IL1RAPL2: variants seen among roughly 807,000 people sequenced by gnomAD.
IL1RAPL2 encodes the protein interleukin 1 receptor accessory protein like 2, also known as X-linked interleukin-1 receptor accessory protein-like 2.
Under a neutral mutation model 44.1 loss-of-function variants are expected in IL1RAPL2, and 3 were observed. The observed-to-expected ratio is 0.07, with a 90% CI of 0.03 to 0.18. The LOEUF (loss-of-function observed/expected upper bound fraction) is 0.18. Ranked by LOEUF, IL1RAPL2 falls within the 10% of genes least tolerant of loss-of-function variation. The pLI is 1.00. For synonymous variants in IL1RAPL2, 181 were observed against 178.8 expected (o/e 1.01, Z -0.10); for missense variants, 391 against 496.4 (o/e 0.79, Z 2.02).
chrX:105,274,750 G>A (rs777525935), intron 5 of IL1RAPL2, among the ~76,000 whole-genome samples: 16 of 112,124 alleles, frequency 1.4e-4, no homozygotes, highest in Non-Finnish European at 2.8e-4. Flanking sequence ...GAGGAAAGGA[G>A]AGGAGAGGAA....
chrX:105,337,212 G>A (rs1465706562), intron 5 of IL1RAPL2, among the ~76,000 whole-genome samples: 5 of 111,739 alleles, frequency 4.5e-5, no homozygotes, highest in African/African-American at 9.8e-5. Context: ...ACTTGTCCTC[G>A]GAAAGCTTAT....
rs190094790 is a variant in IL1RAPL2, at chrX:104,835,232, T to C, written c.82+176237T>C. 5.4e-5 allele frequency among the ~76,000 whole-genome samples: 6 copies of C among 111,740 alleles called. No homozygotes were observed. The East Asian group carries it at 1.7e-3, about 31-fold the overall frequency. The stretch of plus-strand genomic sequence containing the variant: ...GATTGAATACTGACTCTCAAAAACC[T>C]GTGTAATAACACTAAATTGGAGACA... On this transcript the variant is annotated intron_variant, in intron 2 of 10. Coordinates refer to ENST00000372582, the MANE Select transcript of IL1RAPL2 (RefSeq NM_017416.2).
chrX:105,692,633 G>T (rs1487342375), intron 6 of IL1RAPL2, among the ~76,000 whole-genome samples: 1 of 105,887 alleles, frequency 9.4e-6, no homozygotes, highest in African/African-American at 3.5e-5. Flanking sequence ...ATTAAATGAT[G>T]CAGGGGCACA....
chrX:104,579,355 C>T (rs752914382), intron 1 of IL1RAPL2, among the ~76,000 whole-genome samples: 4 of 111,830 alleles, frequency 3.6e-5, no homozygotes, highest in Admixed American at 1.9e-4. Flanking sequence ...AAATGCCCAT[C>T]CGTGGAAGAT....
chrX:104,592,238 C>A (rs1292686559), intron 1 of IL1RAPL2, among the ~76,000 whole-genome samples: 1 of 101,541 alleles, frequency 9.8e-6, no homozygotes, highest in Non-Finnish European at 2.0e-5. Context: ...ATAATAAAGT[C>A]ACTTTTATCT....
At chrX:104,951,349 A>C (rs1206533740) in intron 2 of IL1RAPL2, among the ~76,000 whole-genome samples, 1 of 112,585 alleles carries the variant, frequency 8.9e-6, no homozygotes, top group Admixed American at 9.4e-5. Context: ...AGGGAAATGA[A>C]TAGGCAAGAA....
chrX:105,354,445 T>A (rs1384599068), intron 5 of IL1RAPL2, among the ~76,000 whole-genome samples: 1 of 91,186 alleles, frequency 1.1e-5, no homozygotes, highest in Non-Finnish European at 2.0e-5. Flanking sequence ...AGGTGGGAAT[T>A]GAACAGTGAG....
chrX:105,609,404 A>G (rs2037318822), intron 6 of IL1RAPL2, among the ~76,000 whole-genome samples: 1 of 111,131 alleles, frequency 9.0e-6, no homozygotes, highest in African/African-American at 3.3e-5. Flanking sequence ...TGTTATCTAT[A>G]TTTTACAATT....
chrX:105,238,456 G>A (rs1556204318), intron 4 of IL1RAPL2, among the ~76,000 whole-genome samples: 1 of 110,815 alleles, frequency 9.0e-6, no homozygotes, highest in African/African-American at 3.3e-5. Flanking sequence ...AAAAATAGCA[G>A]AACAGTGGGT....
chrX:104,697,432 T>G (rs1931200586), intron 2 of IL1RAPL2, among the ~76,000 whole-genome samples: 1 of 112,638 alleles, frequency 8.9e-6, no homozygotes, highest in Non-Finnish European at 1.9e-5. Context: ...AACTGAGATT[T>G]ATTGCAGTTT....
chrX:104,767,047 C>G (rs754428534), intron 2 of IL1RAPL2, among the ~76,000 whole-genome samples: 1 of 111,992 alleles, frequency 8.9e-6, no homozygotes, highest in South Asian at 3.8e-4. Context: ...TGCTTTTCCT[C>G]CACAGGGTTC....
At chrX:105,545,565 A>G (rs2036788172) in intron 6 of IL1RAPL2, among the ~76,000 whole-genome samples, 1 of 112,051 alleles carries the variant, frequency 8.9e-6, no homozygotes, top group African/African-American at 3.2e-5. Context: ...GCTGAGTGCA[A>G]TGTCTATGTG....
intron 2 of IL1RAPL2, among the ~76,000 whole-genome samples, chrX:104,763,038 G>A (rs1252873316): frequency 2.7e-5 from 3 of 112,149 alleles, no homozygotes; most frequent in Non-Finnish European, 5.6e-5. Context: ...CCAGAAAATT[G>A]GGTTTTCTTT....
intron 2 of IL1RAPL2, among the ~76,000 whole-genome samples, chrX:104,892,248 A>C (rs917213302): frequency 1.8e-5 from 2 of 111,642 alleles, no homozygotes; most frequent in Admixed American, 9.5e-5. Flanking sequence ...ATATTGGTCT[A>C]AAATTCTCTT....
At chrX:105,221,867 A>T (rs2033968415) in intron 3 of IL1RAPL2, among the ~76,000 whole-genome samples, 1 of 111,176 alleles carries the variant, frequency 9.0e-6, no homozygotes, top group Admixed American at 9.6e-5. Context: ...CTTCATACCG[A>T]CCCTTAAAAA....
chrX:104,767,236 C>G (rs892274829), intron 2 of IL1RAPL2, among the ~76,000 whole-genome samples: 1 of 112,048 alleles, frequency 8.9e-6, no homozygotes, highest in Non-Finnish European at 1.9e-5. Context: ...GGACTCCAAA[C>G]TTCTTTTTGT....
chrX:105,040,806 T>G (rs2031719485), intron 2 of IL1RAPL2, among the ~76,000 whole-genome samples: 1 of 107,322 alleles, frequency 9.3e-6, no homozygotes, highest in Non-Finnish European at 1.9e-5. Flanking sequence ...TCTATCAATT[T>G]TGTTGATCCT....
At chrX:104,962,610 G>T (rs904217536) in intron 2 of IL1RAPL2, among the ~76,000 whole-genome samples, 12 of 112,338 alleles carry the variant, frequency 1.1e-4, no homozygotes, top group African/African-American at 3.6e-4. Flanking sequence ...TAAGGAAAAG[G>T]AGGACACTTT....
intron 5 of IL1RAPL2, among the ~76,000 whole-genome samples, chrX:105,321,208 T>C (rs1437759121): frequency 9.0e-6 from 1 of 111,590 alleles, no homozygotes. Context: ...GCACCCTTGG[T>C]GATCCTCATT....
Sources: allele counts gnomAD v4.1 joint callset (sites outside exome capture counted in the v4.1 genomes callset), GRCh38; gene constraint gnomAD v4.1.1; transcripts MANE v1.5; gene names NCBI Gene and HGNC (gene_info 2026-07-23, HGNC 2026-07-21).